The following CCL28 variants were observed in gnomAD, a reference collection of about 807,000 sequenced individuals.
CCL28 encodes C-C motif chemokine 28.
CCL28 carries 4 observed loss-of-function variants against 7.1 expected under a neutral mutation model. The ratio of observed to expected loss-of-function variants is 0.56; its 90% CI spans 0.28 to 1.29. CCL28 has a LOEUF of 1.29. Among genes scored for constraint, CCL28 ranks in the 50% most tolerant of loss-of-function variants. The probability of loss-of-function intolerance (pLI) is 0.11; values close to 1 mark genes in which losing one functional copy is unlikely to be tolerated. For missense variants in CCL28, 151 were observed against 163.4 expected (o/e 0.92, Z 0.41); for synonymous variants, 55 against 57.8 (o/e 0.95, Z 0.22).
intron 1 of CCL28, among the ~76,000 whole-genome samples, chr5:43,411,778 T>C (rs1333073477): frequency 6.6e-6 from 1 of 152,228 alleles, no homozygotes; most frequent in Non-Finnish European, 1.5e-5. Flanking sequence ...GTTTTCTGTA[T>C]CCATAGAGCT....
At chr5:43,375,621 C>G (rs1426887036), downstream of CCL28, among the ~76,000 whole-genome samples, 1 of 152,022 alleles carries the variant, frequency 6.6e-6, no homozygotes, top group Non-Finnish European at 1.5e-5. Flanking sequence ...AATCTTAGAA[C>G]TATAAAGAGC....
At chr5:43,396,787 A>G (rs1740825601) in intron 1 of CCL28, among the ~76,000 whole-genome samples, 1 of 152,246 alleles carries the variant, frequency 6.6e-6, no homozygotes, top group Admixed American at 6.5e-5. Context: ...GAACGAAAAA[A>G]GAAAAGCACG....
chr5:43,370,877 G>A, the CCL28 span, among the ~76,000 whole-genome samples: 1 of 151,950 alleles, frequency 6.6e-6, no homozygotes, highest in African/African-American at 2.4e-5. Context: ...GAGTAGCTGG[G>A]ATTACAGGCA....
At chr5:43,363,465 A>C in the CCL28 span, among the ~76,000 whole-genome samples, 1 of 152,214 alleles carries the variant, frequency 6.6e-6, no homozygotes, top group Non-Finnish European at 1.5e-5. Context: ...CCACAGTTGC[A>C]GCTGTCCTGG....
At chr5:43,384,983 G>A (rs1392673922) in intron 2 of CCL28, among the ~76,000 whole-genome samples, 4 of 150,886 alleles carry the variant, frequency 2.7e-5, no homozygotes, top group South Asian at 2.1e-4. Context: ...TGCAGGCTCC[G>A]CCTCCCGGGT....
At chr5:43,407,362 T>C (rs1022546208) in intron 1 of CCL28, among the ~76,000 whole-genome samples, 2 of 152,168 alleles carry the variant, frequency 1.3e-5, no homozygotes, top group Non-Finnish European at 2.9e-5. Flanking sequence ...ATCTGATCTT[T>C]GACAAACCTG....
chr5:43,384,137 T>A (rs1223559962), intron 2 of CCL28: 1 of 154,362 alleles, frequency 6.5e-6, no homozygotes, highest in Non-Finnish European at 1.5e-5. Context: ...GATAAGCCCA[T>A]AAGTTACACA....
chr5:43,407,200 A>G (rs1561169018), intron 1 of CCL28, among the ~76,000 whole-genome samples: 1 of 152,194 alleles, frequency 6.6e-6, no homozygotes, highest in Admixed American at 6.5e-5. Flanking sequence ...CCTAAGCAAA[A>G]CAGAACAAAG....
chr5:43,409,107 A>C (rs963181026), intron 1 of CCL28, among the ~76,000 whole-genome samples: 1 of 152,198 alleles, frequency 6.6e-6, no homozygotes, highest in East Asian at 1.9e-4. Flanking sequence ...GTGAGACTCT[A>C]TCTCTACAAG....
At chr5:43,406,651 A>G (rs977488623) in intron 1 of CCL28, among the ~76,000 whole-genome samples, 1 of 152,222 alleles carries the variant, frequency 6.6e-6, no homozygotes, top group Non-Finnish European at 1.5e-5. Context: ...GGCCAGGGCA[A>G]TTAGGCAGGA....
At chr5:43,401,900 G>A (rs967719346) in intron 1 of CCL28, among the ~76,000 whole-genome samples, 2 of 152,196 alleles carry the variant, frequency 1.3e-5, no homozygotes, top group African/African-American at 2.4e-5. Flanking sequence ...AAGGGACATT[G>A]CAGGAAGAGG....
downstream of CCL28, among the ~76,000 whole-genome samples, chr5:43,374,253 T>C (rs879161591): frequency 6.6e-6 from 1 of 152,084 alleles, no homozygotes; most frequent in Admixed American, 6.6e-5. Flanking sequence ...TATATGGAGG[T>C]AGAATGGCAA....
At chr5:43,358,299 C>T in the CCL28 span, among the ~76,000 whole-genome samples, 1 of 151,996 alleles carries the variant, frequency 6.6e-6, no homozygotes, top group East Asian at 1.9e-4. Context: ...TGAGTGTTGC[C>T]ATGAGCTGAA....
intron 2 of CCL28, among the ~76,000 whole-genome samples, chr5:43,386,060 G>A (rs187046024): frequency 1.5e-4 from 23 of 152,202 alleles, no homozygotes; most frequent in African/African-American, 5.5e-4. Context: ...CAAGCTTCAA[G>A]CTTCAAGTCT....
intron 1 of CCL28, among the ~76,000 whole-genome samples, chr5:43,408,032 A>G (rs1430532584): frequency 2.6e-5 from 4 of 152,210 alleles, no homozygotes; most frequent in Non-Finnish European, 5.9e-5. Flanking sequence ...ACACTTTTAC[A>G]CTGTTAGTGG....
At chr5:43,390,916 G>A (rs1740545415) in intron 1 of CCL28, among the ~76,000 whole-genome samples, 1 of 152,196 alleles carries the variant, frequency 6.6e-6, no homozygotes, top group Non-Finnish European at 1.5e-5. Context: ...GGAGTTCCAT[G>A]GGTAGCATCT....
rs1049772922 is a variant in CCL28, at chr5:43,402,545, G to A, written c.64+9708C>T. Reference sequence around the variant, plus strand: ...CTGTTCTAAAAAATTGGTGTGTGCCGGTTCCAAGATGGCCGAATAGGAACA... The same window carrying A: ...CTGTTCTAAAAAATTGGTGTGTGCCAGTTCCAAGATGGCCGAATAGGAACA... On this transcript the variant is annotated intron_variant, in intron 1 of 2. Coordinates refer to ENST00000361115, the MANE Select transcript of CCL28 (RefSeq NM_148672.3). 5.3e-5 allele frequency among the ~76,000 whole-genome samples: 8 copies of A among 152,244 alleles called. No individual in the cohort carries two copies. The South Asian group carries it at 6.2e-4, about 12-fold the overall frequency.
chr5:43,384,471 C>T (rs556211864), intron 2 of CCL28, among the ~76,000 whole-genome samples: 2 of 152,290 alleles, frequency 1.3e-5, no homozygotes, highest in Admixed American at 1.3e-4. Context: ...CATGTATTTT[C>T]CACCAGGATA....
At chr5:43,369,248 G>C in the CCL28 span, among the ~76,000 whole-genome samples, 4 of 152,042 alleles carry the variant, frequency 2.6e-5, no homozygotes, top group Non-Finnish European at 4.4e-5. Context: ...GGATGATTGG[G>C]AACCATTTTA....
Sources: gnomAD v4.1 joint callset for allele counts (sites outside exome capture counted in the v4.1 genomes callset) on GRCh38, gnomAD v4.1.1 for gene constraint, MANE v1.5 for transcripts, NCBI Gene and HGNC (gene_info 2026-07-23, HGNC 2026-07-21) for gene names.